TFCP2: variants seen among roughly 807,000 people sequenced by gnomAD.
TFCP2 encodes the protein alpha-globin transcription factor CP2.
Under a neutral mutation model 73.4 loss-of-function variants are expected in TFCP2, and 33 were observed. The observed-to-expected ratio is 0.45, with a 90% CI of 0.34 to 0.60. The LOEUF is 0.60. Ranked by LOEUF, TFCP2 falls within the 20% of genes least tolerant of loss-of-function variation. TFCP2 has a pLI of 0.01. For missense variants in TFCP2, 352 were observed against 604.0 expected (o/e 0.58, Z 4.37); for synonymous variants, 193 against 211.6 (o/e 0.91, Z 0.76).
At chr12:51,105,498 G>C (rs181452462) in intron 8 of TFCP2, among the ~76,000 whole-genome samples, 4 of 152,258 alleles carry the variant, frequency 2.6e-5, no homozygotes, top group African/African-American at 9.6e-5. Context: ...AAAGAGAAGA[G>C]AAAAATTTTT....
At chr12:51,125,635 T>C (rs954309266) in intron 1 of TFCP2, among the ~76,000 whole-genome samples, 16 of 152,370 alleles carry the variant, frequency 1.1e-4, no homozygotes, top group African/African-American at 3.8e-4. Flanking sequence ...TGGAATGATG[T>C]CTTGCTCAAT....
chr12:51,113,808 C>T (rs755674818), intron 4 of TFCP2, among the ~76,000 whole-genome samples: 4 of 151,990 alleles, frequency 2.6e-5, no homozygotes, highest in Non-Finnish European at 4.4e-5. Context: ...GGGGAAAGAA[C>T]AGTCTTTTCA....
intron 1 of TFCP2, among the ~76,000 whole-genome samples, chr12:51,150,170 C>T (rs1293076823): frequency 1.3e-5 from 2 of 152,138 alleles, no homozygotes; most frequent in African/African-American, 4.8e-5. Context: ...GTAATCCCAG[C>T]ACTTTGAGAG....
At chr12:51,134,866 T>G (rs1941026562) in intron 1 of TFCP2, among the ~76,000 whole-genome samples, 1 of 152,208 alleles carries the variant, frequency 6.6e-6, no homozygotes, top group African/African-American at 2.4e-5. Flanking sequence ...TCCCAGCACT[T>G]GGGAGGCCAA....
At chr12:51,129,514 C>CAAAA (rs5798159) in intron 1 of TFCP2, among the ~76,000 whole-genome samples, 13 of 126,212 alleles carry the variant, frequency 1.0e-4, no homozygotes, top group African/African-American at 3.6e-4. Context: ...GACCCCGTCT[C>CAAAA]AAAAAAAAAA....
intron 1 of TFCP2, among the ~76,000 whole-genome samples, chr12:51,152,994 G>A (rs373661351): frequency 1.5e-4 from 23 of 152,266 alleles, no homozygotes; most frequent in Middle Eastern, 3.4e-3. Flanking sequence ...TGATACTTTC[G>A]CAGCTAGCTG....
At chr12:51,124,079 T>C (rs1478720074) in intron 1 of TFCP2, among the ~76,000 whole-genome samples, 2 of 147,660 alleles carry the variant, frequency 1.4e-5, no homozygotes, top group Non-Finnish European at 3.0e-5. Context: ...AACCTGATGT[T>C]AACCAACCAG....
At chr12:51,148,867 A>C (rs1203127244) in intron 1 of TFCP2, among the ~76,000 whole-genome samples, 1 of 151,166 alleles carries the variant, frequency 6.6e-6, no homozygotes, top group South Asian at 2.1e-4. Context: ...TCTACTAAAA[A>C]TACAAAAATT....
intron 1 of TFCP2, among the ~76,000 whole-genome samples, chr12:51,134,129 C>G (rs1941011550): frequency 6.6e-6 from 1 of 152,092 alleles, no homozygotes; most frequent in Non-Finnish European, 1.5e-5. Flanking sequence ...CATCTTGTCA[C>G]ATGTTCTTTA....
At chr12:51,096,319 C>T (rs111951714) in intron 13 of TFCP2, among the ~76,000 whole-genome samples, 4 of 152,208 alleles carry the variant, frequency 2.6e-5, no homozygotes, top group African/African-American at 9.7e-5. Context: ...AGCACACGGA[C>T]ACAAATATGT....
chr12:51,098,451 C>T (rs1238734447), intron 13 of TFCP2, among the ~76,000 whole-genome samples: 2 of 143,154 alleles, frequency 1.4e-5, no homozygotes, highest in African/African-American at 5.2e-5. Flanking sequence ...CATGGCAAAA[C>T]CCCATCTCTA....
intron 1 of TFCP2, among the ~76,000 whole-genome samples, chr12:51,147,342 AAAGAAAG>A (rs1566225678): frequency 2.0e-5 from 3 of 150,880 alleles, no homozygotes. Context: ...CTCAAAAAAG[AAAGAAAG>A]AAAGAAAGAA....
intron 8 of TFCP2, among the ~76,000 whole-genome samples, chr12:51,105,691 T>C (rs1940218735): frequency 1.3e-5 from 2 of 152,238 alleles, no homozygotes; most frequent in Non-Finnish European, 2.9e-5. Context: ...GCCCTACTTA[T>C]ATGTATTCCC....
chr12:51,157,828 T>A (rs1016081440), intron 1 of TFCP2, among the ~76,000 whole-genome samples: 14 of 151,218 alleles, frequency 9.3e-5, no homozygotes, highest in Non-Finnish European at 3.0e-5. Flanking sequence ...GTAGCTGGGA[T>A]CATAGGCGTG....
At chr12:51,121,146 C>T (rs1940661022) in intron 1 of TFCP2, among the ~76,000 whole-genome samples, 1 of 151,348 alleles carries the variant, frequency 6.6e-6, no homozygotes, top group East Asian at 2.0e-4. Context: ...TGGCTAGGCA[C>T]GGTATGGCTC....
intron 1 of TFCP2, among the ~76,000 whole-genome samples, chr12:51,170,482 C>T (rs374406937): frequency 1.7e-4 from 26 of 151,990 alleles, no homozygotes; most frequent in East Asian, 1.5e-3. Context: ...GCTGGGGCTA[C>T]AGGAACATGC....
At chr12:51,131,676 A>AT (rs1021933096) in intron 1 of TFCP2, among the ~76,000 whole-genome samples, 3 of 152,122 alleles carry the variant, frequency 2.0e-5, no homozygotes, top group Non-Finnish European at 4.4e-5. Context: ...TTTAAAAATA[A>AT]TTTTTTTCAC....
intron 2 of TFCP2, among the ~76,000 whole-genome samples, chr12:51,118,082 G>A (rs1940574606): frequency 6.6e-6 from 1 of 152,210 alleles, no homozygotes; most frequent in South Asian, 2.1e-4. Context: ...ACCAATGGGA[G>A]TGTCTAGGGA....
At chr12:51,142,612 C>A (rs1468608540) in intron 1 of TFCP2, among the ~76,000 whole-genome samples, 1 of 152,122 alleles carries the variant, frequency 6.6e-6, no homozygotes, top group Non-Finnish European at 1.5e-5. Flanking sequence ...CCTTTTTCCT[C>A]TGATTATCCC....
Sources: gnomAD v4.1 joint callset for allele counts (sites outside exome capture counted in the v4.1 genomes callset) on GRCh38, gnomAD v4.1.1 for gene constraint, MANE v1.5 for transcripts, NCBI Gene and HGNC (gene_info 2026-07-23, HGNC 2026-07-21) for gene names.